The following C4orf51 variants were observed in gnomAD, a reference collection of about 807,000 sequenced individuals.
C4orf51 encodes chromosome 4 open reading frame 51, also known as uncharacterized protein C4orf51.
Under a neutral mutation model 25.2 loss-of-function variants are expected in C4orf51, and 25 were observed. The ratio of observed to expected loss-of-function variants is 0.99; its 90% confidence interval spans 0.72 to 1.39. The LOEUF is 1.39. C4orf51 is among the 40% of genes most tolerant of loss of function. C4orf51 has a pLI of 0.00. For missense variants in C4orf51, 252 were observed against 239.6 expected (o/e 1.05, Z -0.34); for synonymous variants, 100 against 84.5 (o/e 1.18, Z -1.01).
intron 1 of C4orf51, among the ~76,000 whole-genome samples, chr4:145,770,299 AAAATAAATAAATAAATAAAT>A (rs150231954): frequency 3.2e-4 from 28 of 87,210 alleles, no homozygotes; most frequent in East Asian, 4.4e-4. Context: ...ACCCTGTCTT[AAAATAAATAAATAAATAAAT>A]AAATAAATAA....
intron 1 of C4orf51, among the ~76,000 whole-genome samples, chr4:145,766,322 G>A (rs756034581): frequency 2.6e-5 from 4 of 152,118 alleles, no homozygotes; most frequent in South Asian, 2.1e-4. Flanking sequence ...TCAAGAGAGC[G>A]CGTCAGGGAC....
chr4:145,730,018 A>T, intron 5 of C4orf51, 53 bp downstream of exon 5: 1 of 1,512,982 alleles, frequency 6.6e-7, no homozygotes, highest in South Asian at 1.1e-5. Flanking sequence ...GTAGTCAGGA[A>T]GCGGGGTTCT....
Position 145,729,205 on chromosome 4 carries a change from A to T in C4orf51, c.403A>T (p.Thr135Ser). Residue 135 changes from threonine to serine, a missense_variant, in exon 4 of 6, where the codon ACA (threonine) becomes TCA (serine). Physicochemically the swap from Thr to Ser is moderately conservative, Grantham distance 58. Transcript: ENST00000438731. ...QIWDFGDCFP[T>S]PPNYGKYCVR... ...TTGGGATTTTGGTGATTGTTTTCCG[A>T]CACCTCCAAATTATGGAAAATACTG... 1 of 1,608,348 alleles carries T rather than the reference A, an allele frequency of 6.2e-7. No individual in the cohort carries two copies. Among genetic ancestry groups the T allele is most frequent in the Non-Finnish European group, 8.5e-7 (1 of 1,176,334 alleles).
chr4:145,710,213 C>T (rs942722192), intron 2 of C4orf51, among the ~76,000 whole-genome samples: 5 of 152,132 alleles, frequency 3.3e-5, no homozygotes, highest in Admixed American at 1.3e-4. Context: ...GAATTCAACT[C>T]AGGGGTTTAA....
chr4:145,686,433 T>C (rs959290669), intron 1 of C4orf51, among the ~76,000 whole-genome samples: 9 of 152,284 alleles, frequency 5.9e-5, no homozygotes, highest in African/African-American at 2.2e-4. Flanking sequence ...ACAATAATCA[T>C]AATAATAATG....
chr4:145,791,976 C>A, the C4orf51 span, among the ~76,000 whole-genome samples: 6 of 151,456 alleles, frequency 4.0e-5, no homozygotes, highest in Non-Finnish European at 8.8e-5. Flanking sequence ...GCACACAATT[C>A]TAGCTGTGTC....
At chr4:145,713,517 G>T (rs1731241447) in intron 2 of C4orf51, among the ~76,000 whole-genome samples, 1 of 152,194 alleles carries the variant, frequency 6.6e-6, no homozygotes, top group Admixed American at 6.5e-5. Context: ...ATTAGAGGTG[G>T]AGCCTAAGGA....
At chr4:145,681,112 C>T (rs1728813025) in intron 1 of C4orf51, among the ~76,000 whole-genome samples, 1 of 152,130 alleles carries the variant, frequency 6.6e-6, no homozygotes, top group African/African-American at 2.4e-5. Context: ...CATTTAGCCC[C>T]AAGCACTGTC....
intron 1 of C4orf51, among the ~76,000 whole-genome samples, chr4:145,747,233 T>G (rs1733416416): frequency 6.6e-6 from 1 of 152,132 alleles, no homozygotes; most frequent in African/African-American, 2.4e-5. Context: ...AGTACTATGT[T>G]GAATAACAGT....
At chr4:145,726,805 G>A (rs1732086819) in intron 2 of C4orf51, 106 bp from the exon 3 acceptor site, 5 of 882,140 alleles carry the variant, frequency 5.7e-6, no homozygotes, top group Non-Finnish European at 9.3e-6. Context: ...CTAAAGGGAA[G>A]CAATTGAAGT....
intron 1 of C4orf51, among the ~76,000 whole-genome samples, chr4:145,741,403 G>A (rs1011942502): frequency 6.6e-6 from 1 of 152,066 alleles, no homozygotes; most frequent in African/African-American, 2.4e-5. Context: ...AATTTTATCT[G>A]TGTAGCCCTC....
intron 1 of C4orf51, among the ~76,000 whole-genome samples, chr4:145,747,147 A>G (rs1733412453): frequency 6.6e-6 from 1 of 152,124 alleles, no homozygotes; most frequent in African/African-American, 2.4e-5. Flanking sequence ...TCTGCAAACA[A>G]GGATAATTTA....
At chr4:145,778,284 C>A in the C4orf51 span, among the ~76,000 whole-genome samples, 1 of 152,120 alleles carries the variant, frequency 6.6e-6, no homozygotes, top group Non-Finnish European at 1.5e-5. Context: ...CAAGCGTGCA[C>A]CACCACATCC....
chr4:145,731,564 CTTTTTTTTTTTTTTTTTTTTT>C (rs398051305), intron 5 of C4orf51, among the ~76,000 whole-genome samples: 6 of 43,860 alleles, frequency 1.4e-4, no homozygotes, highest in Non-Finnish European at 1.5e-4. Flanking sequence ...CAAGGCAAAT[CTTTTTTTTTTTTTTTTTTTTT>C]TTTTTTTTTT....
At chr4:145,704,829 G>A (rs1378804648) in intron 2 of C4orf51, among the ~76,000 whole-genome samples, 1 of 152,346 alleles carries the variant, frequency 6.6e-6, no homozygotes, top group East Asian at 1.9e-4. Context: ...GAGCAGGAGT[G>A]AAAGTGTATT....
intron 2 of C4orf51, among the ~76,000 whole-genome samples, chr4:145,722,873 A>G (rs1226055012): frequency 6.6e-6 from 1 of 152,172 alleles, no homozygotes; most frequent in Non-Finnish European, 1.5e-5. Context: ...TGAGCATGCA[A>G]AGGATCTGGG....
intron 1 of C4orf51, among the ~76,000 whole-genome samples, chr4:145,745,663 G>C (rs896057303): frequency 7.2e-5 from 11 of 152,148 alleles, no homozygotes; most frequent in Non-Finnish European, 1.6e-4. Context: ...TGGCTATTGT[G>C]AACAGTGGCG....
At position 145,761,737 on chromosome 4, in the gene C4orf51, C is replaced by G; in HGVS notation, n.167-9251C>G. 2.1e-6 allele frequency: 1 copy of G among 466,660 alleles called. No homozygotes were observed. The highest frequency in any genetic ancestry group is 3.6e-6 in the Non-Finnish European group (1 of 281,420). 28.9% of individuals were successfully genotyped at this position (466,660 alleles called of 1,614,324 possible). A position where few individuals can be genotyped will look rare whatever the true frequency, so the allele number is the denominator to read the frequency against. The stretch of plus-strand genomic sequence containing the variant: ...CCTGCCCAGCCCAGCCCAGCCCTGC[C>G]GCCTCTCAGGGGTGGAACGGCCCTT... On this transcript the variant is annotated intron_variant and non_coding_transcript_variant, in intron 1 of 1. Coordinates refer to the C4orf51 transcript ENST00000510096. This position sits in a 1 kb window ranked among gnomAD's most constrained non-coding sequence, Gnocchi z 6.8.
rs1388689587 is a variant in C4orf51, at chr4:145,765,764, C to T, written n.167-5224C>T. On this transcript the variant is annotated intron_variant and non_coding_transcript_variant, in intron 1 of 1. Transcript: ENST00000510096. This position sits in a 1 kb window ranked among gnomAD's most constrained non-coding sequence, Gnocchi z 4.7. ...CTGAAAAATAAGCAAATAACCCAGT[C>T]TGTTAATGAGATGAAAATCCTCAGA... 6.2e-7 allele frequency: 1 copy of T among 1,604,402 alleles called. No homozygotes were observed. Among genetic ancestry groups the T allele is most frequent in the Non-Finnish European group, 8.5e-7 (1 of 1,174,862 alleles).
Sources: allele counts gnomAD v4.1 joint callset (sites outside exome capture counted in the v4.1 genomes callset), GRCh38; gene constraint gnomAD v4.1.1; non-coding constraint Gnocchi (gnomAD v3.1); transcripts MANE v1.5; gene names NCBI Gene and HGNC (gene_info 2026-07-23, HGNC 2026-07-21).